BCAT1: variants seen among roughly 807,000 people sequenced by gnomAD.
BCAT1 encodes the protein branched-chain-amino-acid aminotransferase, cytosolic.
Under a neutral mutation model 52.4 loss-of-function variants are expected in BCAT1, and 48 were observed. The observed-to-expected ratio is 0.92, with a 90% confidence interval of 0.73 to 1.16. The LOEUF (loss-of-function observed/expected upper bound fraction) is 1.16, where lower values mean the gene tolerates loss of function less well. Ranked by LOEUF, BCAT1 falls within the 50% of genes most tolerant of loss-of-function variation. The pLI is 0.00. For synonymous variants in BCAT1, 167 were observed against 161.3 expected, an observed-to-expected ratio of 1.04 and a Z score of -0.27; for missense variants, 451 against 457.1, an observed-to-expected ratio of 0.99 and a Z score of 0.12.
intron 5 of BCAT1, among the ~76,000 whole-genome samples, chr12:24,853,092 C>A (rs1591808554): frequency 6.6e-6 from 1 of 152,230 alleles, no homozygotes; most frequent in South Asian, 2.1e-4. Context: ...AAATTCTGTG[C>A]TACTGTTAAG....
intron 5 of BCAT1, among the ~76,000 whole-genome samples, chr12:24,857,255 T>C (rs1221830432): frequency 6.6e-6 from 1 of 152,218 alleles, no homozygotes; most frequent in African/African-American, 2.4e-5. Flanking sequence ...CTCTGAGCTA[T>C]GTTTGGAGGT....
chr12:24,901,787 A>ATCCT (rs1943109604), intron 2 of BCAT1, 27 bp downstream of exon 2: 1 of 1,608,590 alleles, frequency 6.2e-7, no homozygotes. Flanking sequence ...GTTGCTTTAG[A>ATCCT]CACTAAGCCT....
chr12:24,883,541 C>A (rs1942565293), intron 3 of BCAT1, among the ~76,000 whole-genome samples: 2 of 152,024 alleles, frequency 1.3e-5, no homozygotes, highest in South Asian at 4.2e-4. Flanking sequence ...TTGGAAGCTG[C>A]AGTGAGCTAT....
intron 1 of BCAT1, among the ~76,000 whole-genome samples, chr12:24,938,139 T>C (rs1421050577): frequency 2.6e-5 from 4 of 151,992 alleles, no homozygotes; most frequent in Non-Finnish European, 5.9e-5. Context: ...TGTCTTCCAA[T>C]GATGGTTAGA....
rs567048319 is a variant in BCAT1 at position 24,934,459 on chromosome 12, C to T, written c.6+14468G>A. 5.3e-5 allele frequency among the ~76,000 whole-genome samples: 8 copies of T among 152,308 alleles called. No homozygotes were observed. In the East Asian group the frequency reaches 1.5e-3, roughly 29 times the overall value. On this transcript the variant is annotated intron_variant, in intron 1 of 10. Transcript: ENST00000261192. Reference sequence around the variant, plus strand: ...TCAAGACCTTGAGCAGTGTCTGATGCTTACATAATGAGTACTCCTCAAATA... The same window carrying T: ...TCAAGACCTTGAGCAGTGTCTGATGTTTACATAATGAGTACTCCTCAAATA...
chr12:24,845,219 C>CAAA (rs567739313), intron 6 of BCAT1, among the ~76,000 whole-genome samples: 3 of 109,910 alleles, frequency 2.7e-5, no homozygotes. Context: ...CCCCTCCCAG[C>CAAA]AAAAAAAAAA....
rs888454446 is a variant in BCAT1, at chr12:24,814,603, C to G, written c.*3405G>C. 2 of 152,032 alleles carry G rather than the reference C, an allele frequency of 1.3e-5. No homozygotes were observed. Among genetic ancestry groups the G allele is most frequent in the African/African-American group, 4.8e-5 (2 of 41,418 alleles). 9.4% of individuals were successfully genotyped at this position (152,032 alleles called of 1,614,324 possible). On this transcript the variant is annotated 3_prime_UTR_variant, in exon 11 of 11. Transcript: ENST00000261192. ...TACTCATTAATTGCCTCCAAGTGTT[C>G]AAGACTGCTTGGATTTGAGGCAAGC...
intron 3 of BCAT1, among the ~76,000 whole-genome samples, chr12:24,884,349 G>A (rs2139611195): frequency 6.6e-6 from 1 of 152,260 alleles, no homozygotes; most frequent in South Asian, 2.1e-4. Context: ...GCTAGGGGTT[G>A]GGGAATTGGA....
At chr12:24,936,809 G>C (rs1943764459) in intron 1 of BCAT1, among the ~76,000 whole-genome samples, 1 of 150,488 alleles carries the variant, frequency 6.6e-6, no homozygotes, top group African/African-American at 2.4e-5. Flanking sequence ...TTCTGCTTTT[G>C]ACCCTCTGCC....
chr12:24,866,055 A>G (rs961950236), intron 5 of BCAT1, among the ~76,000 whole-genome samples: 6 of 152,222 alleles, frequency 3.9e-5, no homozygotes, highest in Admixed American at 2.0e-4. Context: ...TGGCTCCCTC[A>G]GTTTGCAGGG....
chr12:24,947,403 C>T (rs140486038), intron 1 of BCAT1, among the ~76,000 whole-genome samples: 196 of 152,226 alleles, frequency 1.3e-3, no homozygotes, highest in Middle Eastern at 3.4e-3. Flanking sequence ...GACTTAAGCC[C>T]GGAGAATTTG....
chr12:24,831,976 T>C (rs1258804578), intron 9 of BCAT1, among the ~76,000 whole-genome samples: 1 of 152,232 alleles, frequency 6.6e-6, no homozygotes, highest in Non-Finnish European at 1.5e-5. Context: ...TTTTAGTAAA[T>C]GCACCAGGTT....
At chr12:24,903,052 C>G in intron 1 of BCAT1, 1 of 1,392,830 alleles carries the variant, frequency 7.2e-7, no homozygotes, top group South Asian at 1.6e-5. Context: ...CGGCTGGAAG[C>G]GAAAGCAGGC....
chr12:24,833,822 C>CT lies in BCAT1; in HGVS notation c.904-960dup, dbSNP rs745348842. 4.9e-3 allele frequency: 680 copies of CT among 137,802 alleles called. 2 individuals carry two copies. Among genetic ancestry groups the CT allele is most frequent in the African/African-American group, 0.011 (425 of 37,162 alleles). The allele number at this position is 137,802 out of a possible 1,614,324, so 8.5% of individuals were successfully genotyped here. ...GTACTCTTTCTACGTTTGTCTCTTT[C>CT]TTTTTTTTTTTTTTTTAAGACAGGG... On this transcript the variant is annotated intron_variant, in intron 8 of 10. Coordinates refer to ENST00000261192, the MANE Select transcript of BCAT1 (RefSeq NM_005504.7).
At chr12:24,907,139 TC>T (rs1943238823) in intron 1 of BCAT1, among the ~76,000 whole-genome samples, 1 of 152,180 alleles carries the variant, frequency 6.6e-6, no homozygotes, top group African/African-American at 2.4e-5. Context: ...TTTATTTCAG[TC>T]CTTTCGGACA....
intron 7 of BCAT1, among the ~76,000 whole-genome samples, chr12:24,837,436 A>ATT (rs35427447): frequency 9.0e-5 from 11 of 121,918 alleles, no homozygotes; most frequent in South Asian, 2.7e-4. Context: ...GGAAAGTCTA[A>ATT]TTTTTTTTTT....
intron 5 of BCAT1, among the ~76,000 whole-genome samples, chr12:24,860,688 T>G (rs915648472): frequency 3.3e-5 from 5 of 152,208 alleles, no homozygotes; most frequent in African/African-American, 1.2e-4. Flanking sequence ...ACAGAACTGA[T>G]GAAAGCCTCT....
chr12:24,836,950 GAAAGAAAAGAGAAAGAAAGAA>G lies in BCAT1; in HGVS notation c.818-375_818-355del, dbSNP rs1565454734. Among the ~76,000 whole-genome samples, 34 of 95,460 alleles carry G rather than the reference GAAAGAAAAGAGAAAGAAAGAA, an allele frequency of 3.6e-4. 2 individuals are homozygous for G. The highest frequency in any genetic ancestry group is 1.2e-3 in the African/African-American group (34 of 29,210). The allele number at this position is 95,460 out of a possible 152,430, so 62.6% of individuals were successfully genotyped here. A position where few individuals can be genotyped will look rare whatever the true frequency, so the allele number is the denominator to read the frequency against. On this transcript the variant is annotated intron_variant, in intron 7 of 10. Coordinates refer to ENST00000261192, the MANE Select transcript of BCAT1 (RefSeq NM_005504.7). ...AGAAAGAAAGAAAGAAAGAAAGAAA[GAAAGAAAAGAGAAAGAAAGAA>G]AGAGAGAGAGGGAGGGAGGGAGGAA...
chr12:24,921,616 T>C (rs1227216445), intron 1 of BCAT1, among the ~76,000 whole-genome samples: 1 of 152,216 alleles, frequency 6.6e-6, no homozygotes, highest in Admixed American at 6.5e-5. Context: ...TTGATACACA[T>C]ACCTAGGAAG....
Sources: allele counts gnomAD v4.1 joint callset (sites outside exome capture counted in the v4.1 genomes callset), GRCh38; gene constraint gnomAD v4.1.1; transcripts MANE v1.5; gene names NCBI Gene and HGNC (gene_info 2026-07-23, HGNC 2026-07-21).